Variants in ATP6V1F observed in about 807,000 individuals in gnomAD.
ATP6V1F encodes V-type proton ATPase subunit F.
Under a neutral mutation model 6.6 loss-of-function variants are expected in ATP6V1F, and 4 were observed. The observed-to-expected ratio is 0.60, with a 90% CI of 0.30 to 1.38. The LOEUF (loss-of-function observed/expected upper bound fraction) is 1.38. ATP6V1F is among the 40% of genes most tolerant of loss of function. The pLI is 0.08. For synonymous variants in ATP6V1F, 68 were observed against 66.9 expected (o/e 1.02, Z -0.08); for missense variants, 136 against 165.5 (o/e 0.82, Z 0.98).
chr7:128,865,133 C>T lies in ATP6V1F; in HGVS notation c.159-244C>T, dbSNP rs1469818040. ...CTTCATTACCAGTTCACTTGGAAGC[C>T]TTCCGGGCAGTGTTGTAGAAGCCAA... On this transcript the variant is annotated intron_variant, in intron 1 of 1. Transcript: ENST00000249289. This position sits in a 1 kb window ranked among gnomAD's most constrained non-coding sequence, Gnocchi z 4.4. 14 of 1,536,246 alleles carry T rather than the reference C, an allele frequency of 9.1e-6. No individual in the cohort carries two copies. The highest frequency in any genetic ancestry group is 1.1e-5 in the Non-Finnish European group (13 of 1,146,918).
chr7:128,864,533 G>A (rs9768180), intron 1 of ATP6V1F, among the ~76,000 whole-genome samples: 152 of 151,772 alleles, frequency 1.0e-3, no homozygotes, highest in African/African-American at 3.6e-3. Context: ...TAGACCTTGA[G>A]GCCTTCAGTG....
chr7:128,863,954 T>C (rs957444730), intron 1 of ATP6V1F, among the ~76,000 whole-genome samples: 5 of 152,204 alleles, frequency 3.3e-5, no homozygotes. Flanking sequence ...ACTTCAAGAA[T>C]TTTTTATGTT....
Position 128,865,449 on chromosome 7 carries a change from C to T in ATP6V1F, c.231C>T (p.Ala77=), listed in dbSNP as rs1809371149. 6.2e-7 allele frequency: 1 copy of T among 1,614,056 alleles called. No homozygotes were observed. Among genetic ancestry groups the T allele is most frequent in the Admixed American group, 1.7e-5 (1 of 60,012 alleles). Residue 77 remains alanine, a synonymous_variant, in exon 2 of 2, where the codon GCC becomes GCT. Transcript: ENST00000249289. This position sits in a 1 kb window ranked among gnomAD's most constrained non-coding sequence, Gnocchi z 4.4. ...ACATCGCAGAGATGGTGCGGCATGC[C>T]CTGGACGCCCACCAGCAGTCCATCC... is the stretch of plus-strand genomic sequence containing the variant. ...NQYIAEMVRH[A]LDAHQQSIPA...
At chr7:128,864,182 A>G (rs1054787974) in intron 1 of ATP6V1F, among the ~76,000 whole-genome samples, 1 of 152,066 alleles carries the variant, frequency 6.6e-6, no homozygotes, top group African/African-American at 2.4e-5. Context: ...CATTTCTACT[A>G]AAAATACAAA....
intron 1 of ATP6V1F, chr7:128,864,803 T>C (rs1172206722): frequency 2.9e-5 from 9 of 307,262 alleles, no homozygotes; most frequent in Non-Finnish European, 5.7e-5. Context: ...TGTGTATATA[T>C]ATAGATAGAT....
intron 1 of ATP6V1F, chr7:128,864,991 T>C (rs1809357553): frequency 1.2e-6 from 1 of 826,700 alleles, no homozygotes; most frequent in Admixed American, 2.1e-5. Context: ...GCGTGAGCCA[T>C]CACAGCTGGC....
Position 128,865,547 on chromosome 7 carries a change from G to A in ATP6V1F, c.329G>A (p.Arg110Lys). Reference sequence around the variant, plus strand: ...AAGGACTCCATCCTGCGCAGGGCCAGGGGCATGTTCACTGCCGAAGACCTG... The same window carrying A: ...AAGGACTCCATCCTGCGCAGGGCCAAGGGCATGTTCACTGCCGAAGACCTG... Reference protein sequence around the residue: ...AAKDSILRRARGMFTAEDLR With the variant: ...AAKDSILRRAKGMFTAEDLR The change falls in exon 2 of 2, where the codon AGG (arginine) becomes AAG (lysine). Residue 110 changes from arginine to lysine, a missense_variant. Coordinates refer to ENST00000249289, the MANE Select transcript of ATP6V1F (RefSeq NM_004231.4). The surrounding 1 kb of genome is among the most constrained non-coding windows in gnomAD (Gnocchi z 4.4). 6.2e-7 allele frequency: 1 copy of A among 1,614,052 alleles called. No individual in the cohort carries two copies. The highest frequency in any genetic ancestry group is 8.5e-7 in the Non-Finnish European group (1 of 1,180,038).
chr7:128,862,931 A>G lies in ATP6V1F; in HGVS notation c.27A>G (p.Ala9=), dbSNP rs771259209. 4 of 1,611,666 alleles carry G rather than the reference A, an allele frequency of 2.5e-6. No individual in the cohort carries two copies. The highest frequency in any genetic ancestry group is 1.7e-5 in the Admixed American group (1 of 59,678). Reference sequence around the variant, plus strand: ...TGGCGGGGAGGGGTAAGCTCATCGCAGTGATCGGAGACGAGGACACGGTGA... The same window carrying G: ...TGGCGGGGAGGGGTAAGCTCATCGCGGTGATCGGAGACGAGGACACGGTGA... The part of the protein sequence containing the change: MAGRGKLI[A]VIGDEDTVTG... The change falls in exon 1 of 2, where the codon GCA becomes GCG. Residue 9 remains alanine (A), a synonymous_variant. Coordinates refer to ENST00000249289, the MANE Select transcript of ATP6V1F (RefSeq NM_004231.4).
Position 128,862,952 on chromosome 7 carries a change from G to A in ATP6V1F, c.48G>A (p.Thr16=), listed in dbSNP as rs767560631. 3.1e-6 allele frequency: 5 copies of A among 1,613,172 alleles called. No individual in the cohort carries two copies. In the South Asian group the frequency reaches 3.3e-5, roughly 11 times the overall value. ...KLIAVIGDED[T]VTGFLLGGIG... Reference sequence around the variant, plus strand: ...TCGCAGTGATCGGAGACGAGGACACGGTGACTGGTTTCCTGCTGGGCGGCA... The same window carrying A: ...TCGCAGTGATCGGAGACGAGGACACAGTGACTGGTTTCCTGCTGGGCGGCA... Residue 16 remains threonine, a synonymous_variant, in exon 1 of 2, where the codon ACG becomes ACA. Coordinates refer to ENST00000249289, the MANE Select transcript of ATP6V1F (RefSeq NM_004231.4).
At position 128,864,781 on chromosome 7, in the gene ATP6V1F, A is replaced by AT. The variant is rs113382359; in HGVS notation, c.159-586dup. 508 of 191,654 alleles carry AT rather than the reference A, an allele frequency of 2.7e-3. 1 individual carries two copies. Among genetic ancestry groups the AT allele is most frequent in the East Asian group, 0.016 (121 of 7,550 alleles). The allele number at this position is 191,654 out of a possible 1,614,324, so 11.9% of individuals were successfully genotyped here. ...CTGGCACATGCCGCCACATCCAGCC[A>AT]TTTTTTTTTTGTGTGTATATATATA... On this transcript the variant is annotated intron_variant, in intron 1 of 1. Coordinates refer to ENST00000249289, the MANE Select transcript of ATP6V1F (RefSeq NM_004231.4).
intron 1 of ATP6V1F, 80 bp downstream of exon 1, chr7:128,863,142 G>A: frequency 6.6e-7 from 1 of 1,521,626 alleles, no homozygotes; most frequent in Non-Finnish European, 8.8e-7. Context: ...TGCCCGGACG[G>A]GGGTGAGGGG....
intron 1 of ATP6V1F, among the ~76,000 whole-genome samples, chr7:128,864,076 G>T (rs1239837894): frequency 6.6e-6 from 1 of 152,234 alleles, no homozygotes; most frequent in Non-Finnish European, 1.5e-5. Context: ...GGGTGCAGTG[G>T]CTCACGCCTG....
intron 1 of ATP6V1F, among the ~76,000 whole-genome samples, chr7:128,863,534 G>A (rs542564880): frequency 6.6e-6 from 1 of 152,282 alleles, no homozygotes. Flanking sequence ...CTCTTGGCAG[G>A]TCTCCTCAGG....
intron 1 of ATP6V1F, among the ~76,000 whole-genome samples, chr7:128,863,395 C>G (rs1312605747): frequency 6.6e-6 from 1 of 152,212 alleles, no homozygotes; most frequent in Non-Finnish European, 1.5e-5. Context: ...GATTTTTGTC[C>G]TACTCACAGG....
rs1300621749 is a variant in ATP6V1F at position 128,865,302 on chromosome 7, G to A, written c.159-75G>A. On this transcript the variant is annotated intron_variant, in intron 1 of 1. Coordinates refer to ENST00000249289, the MANE Select transcript of ATP6V1F (RefSeq NM_004231.4). The surrounding 1 kb of genome is among the most constrained non-coding windows in gnomAD (Gnocchi z 4.4). ...CCTCCACAGCCCAGCCCAACAACTC[G>A]GAGAGGGCTGCCTGGGTAGGAGAGA... 21 of 1,595,222 alleles carry A rather than the reference G, an allele frequency of 1.3e-5. No homozygotes were observed. In the East Asian group the frequency reaches 2.9e-4, roughly 22 times the overall value.
At position 128,865,122 on chromosome 7, in the gene ATP6V1F, C is replaced by G; in HGVS notation, c.159-255C>G. ...CCCTAATCAATCTTCATTACCAGTT[C>G]ACTTGGAAGCCTTCCGGGCAGTGTT... On this transcript the variant is annotated intron_variant, in intron 1 of 1. Transcript: ENST00000249289. The surrounding 1 kb of genome is among the most constrained non-coding windows in gnomAD (Gnocchi z 4.4). The G allele has an allele frequency of 6.5e-7, 1 of 1,536,058 alleles. No individual in the cohort carries two copies.
In ATP6V1F at chr7:128,865,690, A is replaced by T; in HGVS notation, c.*112A>T. On this transcript the variant is annotated 3_prime_UTR_variant, in exon 2 of 2. Transcript: ENST00000249289. This position sits in a 1 kb window ranked among gnomAD's most constrained non-coding sequence, Gnocchi z 4.4. ...GATTTCCAATTCCCTGCTCCTTCCC[A>T]CTCCATTAAGAGGCTAGGTGAGGCG... is the stretch of plus-strand genomic sequence containing the variant. 2 of 1,221,016 alleles carry T rather than the reference A, an allele frequency of 1.6e-6. No individual in the cohort carries two copies. Among genetic ancestry groups the T allele is most frequent in the East Asian group, 2.6e-5 (1 of 38,890 alleles). The allele number at this position is 1,221,016 out of a possible 1,614,324, so 75.6% of individuals were successfully genotyped here.
chr7:128,865,483 C>G lies in ATP6V1F; in HGVS notation c.265C>G (p.Leu89Val). 1 of 1,614,154 alleles carries G rather than the reference C, an allele frequency of 6.2e-7. No individual in the cohort carries two copies. Among genetic ancestry groups the G allele is most frequent in the Non-Finnish European group, 8.5e-7 (1 of 1,180,038 alleles). ...CCACCAGCAGTCCATCCCCGCTGTC[C>G]TGGAGATCCCCTCCAAGGAGCACCC... ...DAHQQSIPAV[L>V]EIPSKEHPYD... The change falls in exon 2 of 2, where the codon CTG becomes GTG. Residue 89 changes from leucine to valine, a missense_variant. Leu to Val is a conservative substitution (Grantham distance 32). Transcript: ENST00000249289. The surrounding 1 kb of genome is among the most constrained non-coding windows in gnomAD (Gnocchi z 4.4).
rs1276034497 is a variant in ATP6V1F at position 128,862,879 on chromosome 7, A to T, written c.-26A>T. ...GGGTTTCAGTGGCTTCTGGTGCTCT[A>T]GGGTGAGCTCTGCCCGGCTGCAGGG... is the stretch of plus-strand genomic sequence containing the variant. On this transcript the variant is annotated 5_prime_UTR_variant, in exon 1 of 2. Transcript: ENST00000249289. The T allele has an allele frequency of 6.4e-7, 1 of 1,551,824 alleles. No individual in the cohort carries two copies. The highest frequency in any genetic ancestry group is 2.4e-5 in the East Asian group (1 of 41,894).
Sources: allele counts gnomAD v4.1 joint callset (sites outside exome capture counted in the v4.1 genomes callset), GRCh38; gene constraint gnomAD v4.1.1; non-coding constraint Gnocchi (gnomAD v3.1); transcripts MANE v1.5; gene names NCBI Gene and HGNC (gene_info 2026-07-23, HGNC 2026-07-21).